Variants in SOAT2 observed in about 807,000 individuals in gnomAD.
SOAT2 encodes the protein ACAT-2.
In SOAT2, 87 loss-of-function variants were observed where a neutral mutation model predicts 76.0. The ratio of observed to expected loss-of-function variants is 1.14; its 90% CI spans 0.96 to 1.37. The LOEUF is 1.37. SOAT2 is among the 40% of genes most tolerant of loss of function. SOAT2 has a pLI of 0.00. For missense variants in SOAT2, 686 were observed against 682.1 expected (o/e 1.01, Z -0.06); for synonymous variants, 285 against 275.4 (o/e 1.03, Z -0.34).
chr12:53,115,799 G>A, intron 6 of SOAT2, 145 bp downstream of exon 6: 3 of 1,051,998 alleles, frequency 2.9e-6, no homozygotes, highest in Non-Finnish European at 4.0e-6. Flanking sequence ...TAGTTACCGG[G>A]GGTGGAGTCC....
Position 53,117,273 on chromosome 12 carries a change from T to TA in SOAT2, c.779-1077_779-1076insA, listed in dbSNP as rs1938119258. 4.7e-5 allele frequency among the ~76,000 whole-genome samples: 7 copies of TA among 148,214 alleles called. 1 individual carries two copies. The highest frequency in any genetic ancestry group is 3.4e-4 in the Admixed American group (5 of 14,920). ...ACCGCGCCCGGCCAATTTTTTTTTT[T>TA]TTTTTTTTTTTTTTAGAGACAGGGT... On this transcript the variant is annotated intron_variant, in intron 7 of 14. Coordinates refer to ENST00000301466, the MANE Select transcript of SOAT2 (RefSeq NM_003578.4).
Position 53,103,605 on chromosome 12 carries a change from C to G in SOAT2, c.28C>G (p.Leu10Val). 1 of 1,547,036 alleles carries G rather than the reference C, an allele frequency of 6.5e-7. No individual in the cohort carries two copies. The highest frequency in any genetic ancestry group is 8.7e-7 in the Non-Finnish European group (1 of 1,146,768). Reference protein sequence around the residue: MEPGGARLRLQRTEGLGGER... With the variant: MEPGGARLRVQRTEGLGGER... ...GGAGCCAGGCGGGGCCCGTCTGCGT[C>G]TGCAGAGGACAGAAGGGCTGGGAGG... The change falls in exon 1 of 15, where the codon CTG (leucine) becomes GTG (valine). Residue 10 changes from leucine to valine, a missense_variant. Transcript: ENST00000301466.
At chr12:53,117,181 G>A (rs1938117488) in intron 7 of SOAT2, among the ~76,000 whole-genome samples, 1 of 150,578 alleles carries the variant, frequency 6.6e-6, no homozygotes, top group Non-Finnish European at 1.5e-5. Flanking sequence ...GGGTGGTCTC[G>A]AACTCCTGAC....
intron 5 of SOAT2, among the ~76,000 whole-genome samples, chr12:53,106,958 G>C (rs904260689): frequency 6.6e-6 from 1 of 151,810 alleles, no homozygotes; most frequent in Admixed American, 6.6e-5. Context: ...AGCAAAACTT[G>C]TTTAATCATG....
intron 3 of SOAT2, 64 bp downstream of exon 3, chr12:53,105,307 GT>G: frequency 6.5e-7 from 1 of 1,546,950 alleles, no homozygotes; most frequent in South Asian, 1.2e-5. Flanking sequence ...GAAACATCAC[GT>G]TATGTGCCCT....
At position 53,114,397 on chromosome 12, in the gene SOAT2, C is replaced by T. The variant is rs1938068509; in HGVS notation, c.444-993C>T. On this transcript the variant is annotated intron_variant, in intron 5 of 14. Transcript: ENST00000301466. ...AAAGGAGGTCCTTCTTGACCGCCTC[C>T]TTCAATCCCACACTGCTCTCGGAGG... Among the ~76,000 whole-genome samples, 3 of 152,250 alleles carry T rather than the reference C, an allele frequency of 2.0e-5. No individual in the cohort carries two copies. In the South Asian group the frequency reaches 6.2e-4, roughly 32 times the overall value.
intron 10 of SOAT2, among the ~76,000 whole-genome samples, chr12:53,119,486 A>C (rs1938158108): frequency 6.6e-6 from 1 of 151,452 alleles, no homozygotes. Flanking sequence ...TTTCCCATCT[A>C]CCCCTAACAC....
At chr12:53,119,370 C>T in intron 10 of SOAT2, 117 bp downstream of exon 10, 2 of 1,102,562 alleles carry the variant, frequency 1.8e-6, no homozygotes, top group Non-Finnish European at 2.6e-6. Flanking sequence ...TCTCTCCTCA[C>T]ATCTGTCCCC....
At chr12:53,105,364 C>A in intron 3 of SOAT2, 121 bp downstream of exon 3, 1 of 1,339,098 alleles carries the variant, frequency 7.5e-7, no homozygotes, top group South Asian at 1.4e-5. Context: ...CTCTTCCCCC[C>A]TTGTCTTCCT....
chr12:53,104,232 C>A (rs1214537180), intron 2 of SOAT2, 26 bp downstream of exon 2: 7 of 1,562,240 alleles, frequency 4.5e-6, no homozygotes, highest in South Asian at 1.1e-5. Flanking sequence ...GGTCAGAGGT[C>A]AAGTGGACAG....
At chr12:53,104,293 T>TC (rs1449320384) in intron 2 of SOAT2, 87 bp downstream of exon 2, 2 of 823,214 alleles carry the variant, frequency 2.4e-6, no homozygotes, top group Non-Finnish European at 3.7e-6. Flanking sequence ...AGATGACTTT[T>TC]TTTTTTTTTT....
chr12:53,116,131 G>T lies in SOAT2; in HGVS notation c.743G>T (p.Arg248Ile). The T allele has an allele frequency of 6.2e-7, 1 of 1,614,200 alleles. No individual in the cohort carries two copies. The highest frequency in any genetic ancestry group is 8.5e-7 in the Non-Finnish European group (1 of 1,180,024). Residue 248 changes from arginine (R) to isoleucine (I), a missense_variant, in exon 7 of 15, where the codon AGA becomes ATA. Arg to Ile is a moderately conservative substitution (Grantham distance 97). Coordinates refer to ENST00000301466, the MANE Select transcript of SOAT2 (RefSeq NM_003578.4). ...RFLMKSYSFL[R>I]EAVPGTLRAR... is the part of the protein sequence containing the mutation. ...CTGATGAAAAGCTACTCCTTCCTGA[G>T]AGAGGCTGTGCCTGGGACCCTTCGT...
At chr12:53,116,893 A>G (rs548771464) in intron 7 of SOAT2, among the ~76,000 whole-genome samples, 59 of 151,480 alleles carry the variant, frequency 3.9e-4, no homozygotes, top group Non-Finnish European at 7.5e-4. Flanking sequence ...GAGACATGCA[A>G]CTCTTTCTTT....
At chr12:53,117,609 G>A (rs774240459) in intron 7 of SOAT2, among the ~76,000 whole-genome samples, 6 of 151,998 alleles carry the variant, frequency 3.9e-5, no homozygotes, top group African/African-American at 7.3e-5. Flanking sequence ...GATTTTTGCC[G>A]AGGTGAGAAG....
chr12:53,115,631 C>T lies in SOAT2; in HGVS notation c.685C>T (p.Arg229Cys). 2.6e-6 allele frequency: 4 copies of T among 1,550,388 alleles called. No individual in the cohort carries two copies. Among genetic ancestry groups the T allele is most frequent in the Non-Finnish European group, 3.5e-6 (4 of 1,154,582 alleles). The change falls in exon 6 of 15, where the codon CGT (arginine) becomes TGT (cysteine). Residue 229 changes from arginine (R) to cysteine (C), a missense_variant. Arg to Cys is a radical substitution (Grantham distance 180). Transcript: ENST00000301466. Reference sequence around the variant, plus strand: ...GGAGCATCAGCTCCCGCCGGCCTCCCGTTGTGTCCTGGTCTTCGAGCAGGT... The same window carrying T: ...GGAGCATCAGCTCCCGCCGGCCTCCTGTTGTGTCCTGGTCTTCGAGCAGGT... ...AVEHQLPPAS[R>C]CVLVFEQVRF...
Position 53,103,699 on chromosome 12 carries a change from G to C in SOAT2, c.82+40G>C, listed in dbSNP as rs1002353204. 27 of 1,424,286 alleles carry C rather than the reference G, an allele frequency of 1.9e-5. No homozygotes were observed. In the African/African-American group the frequency reaches 2.3e-4, roughly 12 times the overall value. 88.2% of individuals were successfully genotyped at this position (1,424,286 alleles called of 1,614,324 possible). A position where few individuals can be genotyped will look rare whatever the true frequency, so the allele number is the denominator to read the frequency against. Reference sequence around the variant, plus strand: ...GGGGTGCAGAAGGCACAGGCAAGTGGGGGGGAGGCGGGGAGAGATGCGCTA... The same window carrying C: ...GGGGTGCAGAAGGCACAGGCAAGTGCGGGGGAGGCGGGGAGAGATGCGCTA... On this transcript the variant is annotated intron_variant, in intron 1 of 14. Coordinates refer to ENST00000301466, the MANE Select transcript of SOAT2 (RefSeq NM_003578.4).
At chr12:53,117,476 C>T (rs926301740) in intron 7 of SOAT2, among the ~76,000 whole-genome samples, 6 of 151,804 alleles carry the variant, frequency 4.0e-5, no homozygotes, top group African/African-American at 1.2e-4. Context: ...GGAGAATGGC[C>T]GGTCAGCAGA....
At position 53,120,791 on chromosome 12, in the gene SOAT2, T is replaced by C. The variant is rs762207159; in HGVS notation, c.1045T>C (p.Phe349Leu). The change falls in exon 11 of 15, where the codon TTC (phenylalanine) becomes CTC (leucine). Residue 349 changes from phenylalanine to leucine, a missense_variant. Coordinates refer to ENST00000301466, the MANE Select transcript of SOAT2 (RefSeq NM_003578.4). ...CTCTTGTCCCCAACCACCAGGCATC[T>C]TCATGCTGCTGCTCATCTTCTTTGC... ...SILHATLPGIFMLLLIFFAFL... is the reference protein window; with the variant it reads ...SILHATLPGILMLLLIFFAFL... 1.1e-5 allele frequency: 17 copies of C among 1,613,802 alleles called. No individual in the cohort carries two copies. In the South Asian group the frequency reaches 1.8e-4, roughly 17 times the overall value.
rs1938243504 is a variant in SOAT2, at chr12:53,124,462, G to T, written c.*339G>T. On this transcript the variant is annotated 3_prime_UTR_variant, in exon 15 of 15. Coordinates refer to ENST00000301466, the MANE Select transcript of SOAT2 (RefSeq NM_003578.4). ...ACTCAGAGGAACTGGGGCCACCAAG[G>T]TTGGAAAAGGGTTTGGTTCTTGACT... 1 of 329,630 alleles carries T rather than the reference G, an allele frequency of 3.0e-6. No homozygotes were observed. The highest frequency in any genetic ancestry group is 5.6e-6 in the Non-Finnish European group (1 of 179,206). The allele number at this position is 329,630 out of a possible 1,614,324, so 20.4% of individuals were successfully genotyped here. A position where few individuals can be genotyped will look rare whatever the true frequency, so the allele number is the denominator to read the frequency against.
Sources: gnomAD v4.1 joint callset for allele counts (sites outside exome capture counted in the v4.1 genomes callset) on GRCh38, gnomAD v4.1.1 for gene constraint, MANE v1.5 for transcripts, NCBI Gene and HGNC (gene_info 2026-07-23, HGNC 2026-07-21) for gene names.